SLC45A4: variants seen among roughly 807,000 people sequenced by gnomAD.
SLC45A4 encodes the protein solute carrier family 45 member 4.
A neutral mutation model predicts 63.7 loss-of-function variants in SLC45A4; 32 were observed. That is an observed-to-expected ratio of 0.50 (90% CI 0.38 to 0.67). The LOEUF is 0.67. Among genes scored for constraint, SLC45A4 ranks in the 30% least tolerant of loss-of-function variants. The pLI is 0.00. For missense variants in SLC45A4, 1,027 were observed against 1,157.7 expected, an observed-to-expected ratio of 0.89 and a Z score of 1.64; for synonymous variants, 535 against 510.0, an observed-to-expected ratio of 1.05 and a Z score of -0.66.
In SLC45A4 at chr8:141,215,600, G is replaced by A. The variant is rs1037147181; in HGVS notation, c.1941+159C>T. ...CAGGGACCGATCAGGGGCAGGTGGT[G>A]GCTCTGTGGGCTTTGGAAGGGGCCA... is the stretch of plus-strand genomic sequence containing the variant. On this transcript the variant is annotated intron_variant, in intron 7 of 8. Transcript: ENST00000517878. This position sits in a 1 kb window ranked among gnomAD's most constrained non-coding sequence, Gnocchi z 4.3. 4.1e-4 allele frequency among the ~76,000 whole-genome samples: 62 copies of A among 152,128 alleles called. No individual in the cohort carries two copies. Among genetic ancestry groups the A allele is most frequent in the African/African-American group, 1.4e-3 (57 of 41,408 alleles).
intron 2 of SLC45A4, among the ~76,000 whole-genome samples, chr8:141,232,933 G>A (rs1011067029): frequency 5.9e-5 from 9 of 151,936 alleles, no homozygotes; most frequent in Non-Finnish European, 1.3e-4. Flanking sequence ...CTACCACCCC[G>A]CCCAATCTCA....
At chr8:141,262,592 C>G (rs1324389077) in intron 1 of SLC45A4, among the ~76,000 whole-genome samples, 5 of 150,980 alleles carry the variant, frequency 3.3e-5, no homozygotes, top group Non-Finnish European at 7.4e-5. Context: ...GACATTTATG[C>G]AGCCAAAAAA....
chr8:141,221,915 C>T lies in SLC45A4; in HGVS notation c.242-150G>A, dbSNP rs910849669. ...AGGTTGTCTCCACGGGGTAGACTTT[C>T]CTTTTTCTGCAAGGCCAGATGACCT... On this transcript the variant is annotated intron_variant, in intron 2 of 8. Transcript: ENST00000517878. The T allele has an allele frequency of 5.2e-6, 4 of 769,204 alleles. No homozygotes were observed. In the African/African-American group the frequency reaches 7.0e-5, roughly 13 times the overall value. The allele number at this position is 769,204 out of a possible 1,614,324, so 47.6% of individuals were successfully genotyped here. A position where few individuals can be genotyped will look rare whatever the true frequency, so the allele number is the denominator to read the frequency against.
At chr8:141,289,383 TGACA>T (rs1394123462) in intron 1 of SLC45A4, among the ~76,000 whole-genome samples, 2 of 152,210 alleles carry the variant, frequency 1.3e-5, no homozygotes, top group Admixed American at 1.3e-4. Context: ...CTTCCATCTA[TGACA>T]GACAGTCATC....
chr8:141,283,185 T>C (rs1013764310), intron 1 of SLC45A4, among the ~76,000 whole-genome samples: 1 of 152,266 alleles, frequency 6.6e-6, no homozygotes, highest in African/African-American at 2.4e-5. Context: ...CCTCAAGTCC[T>C]GAGCTAGATG....
intron 1 of SLC45A4, among the ~76,000 whole-genome samples, chr8:141,296,511 A>AG (rs1255889869): frequency 7.7e-6 from 1 of 130,654 alleles, no homozygotes; most frequent in African/African-American, 2.9e-5. Context: ...AAAAAAAAAA[A>AG]AAAAAAAATT....
intron 1 of SLC45A4, among the ~76,000 whole-genome samples, chr8:141,298,526 GC>G (rs1249900477): frequency 6.6e-6 from 1 of 152,206 alleles, no homozygotes; most frequent in African/African-American, 2.4e-5. Flanking sequence ...CAACAAGAGG[GC>G]AAAATTGGGC....
At chr8:141,283,298 G>A (rs566670292) in intron 1 of SLC45A4, among the ~76,000 whole-genome samples, 1 of 152,280 alleles carries the variant, frequency 6.6e-6, no homozygotes, top group South Asian at 2.1e-4. Context: ...AGCAGGTGGC[G>A]CTCAGTACTT....
At chr8:141,274,321 G>C (rs1325986260) in intron 1 of SLC45A4, among the ~76,000 whole-genome samples, 1 of 151,978 alleles carries the variant, frequency 6.6e-6, no homozygotes, top group Non-Finnish European at 1.5e-5. Context: ...ATCACCCGAG[G>C]TCAGGAGTTC....
rs143242026 is a variant in SLC45A4, at chr8:141,285,252, G to A, written c.-401+22844C>T. ...GTCCGCTGGGAACCACAACGCGCCC[G>A]CACCCCAGCGGCCATCCTCGGGTCA... On this transcript the variant is annotated intron_variant, in intron 1 of 8. Coordinates refer to ENST00000517878, the MANE Select transcript of SLC45A4 (RefSeq NM_001286646.2). 3.8e-3 allele frequency among the ~76,000 whole-genome samples: 583 copies of A among 152,342 alleles called. 3 individuals are homozygous for A. Among genetic ancestry groups the A allele is most frequent in the African/African-American group, 0.013 (536 of 41,572 alleles).
chr8:141,216,246 G>A (rs1826143770), intron 6 of SLC45A4, among the ~76,000 whole-genome samples: 1 of 152,224 alleles, frequency 6.6e-6, no homozygotes, highest in Non-Finnish European at 1.5e-5. Context: ...CAGCTCCCAG[G>A]GGCCCCCTGC....
rs1436577091 is a variant in SLC45A4, at chr8:141,254,580, T to C, written c.-351A>G. On this transcript the variant is annotated 5_prime_UTR_variant, in exon 2 of 9. Transcript: ENST00000517878. This position sits in a 1 kb window ranked among gnomAD's most constrained non-coding sequence, Gnocchi z 4.5. ...TTCTTGCTACAGAGAGGTGGGAAGG[T>C]GATACAAACAGGTGGTCCGCTGGTA... 5.7e-6 allele frequency: 4 copies of C among 702,312 alleles called. No individual in the cohort carries two copies. Among genetic ancestry groups the C allele is most frequent in the Non-Finnish European group, 1.0e-5 (4 of 384,922 alleles). 43.5% of individuals were successfully genotyped at this position (702,312 alleles called of 1,614,324 possible).
chr8:141,258,485 G>A (rs762875070), intron 1 of SLC45A4, among the ~76,000 whole-genome samples: 3 of 152,218 alleles, frequency 2.0e-5, no homozygotes, highest in East Asian at 1.9e-4. Context: ...GGCAACCATC[G>A]GCCTCTCACA....
rs1393395925 is a variant in SLC45A4 at position 141,231,603 on chromosome 8, G to A, written c.242-9838C>T. Among the ~76,000 whole-genome samples, 4 of 152,300 alleles carry A rather than the reference G, an allele frequency of 2.6e-5. No homozygotes were observed. In the Middle Eastern group the frequency reaches 0.01, roughly 389 times the overall value. On this transcript the variant is annotated intron_variant, in intron 2 of 8. Transcript: ENST00000517878. ...ACTGCGGGACCCACACCGAGTGGTC[G>A]GGTCACCTGGCCACCTGGCATCTTC... is the stretch of plus-strand genomic sequence containing the variant.
chr8:141,303,298 A>ATTT (rs1461905227), intron 1 of SLC45A4, among the ~76,000 whole-genome samples: 3 of 127,728 alleles, frequency 2.3e-5, no homozygotes, highest in African/African-American at 5.9e-5. Flanking sequence ...TGCCCGGCTA[A>ATTT]TTTTTGTTTT....
intron 1 of SLC45A4, among the ~76,000 whole-genome samples, chr8:141,297,880 AT>A (rs1368641686): frequency 7.4e-5 from 11 of 148,696 alleles, no homozygotes; most frequent in Non-Finnish European, 1.5e-4. Context: ...AGTTAGCAAG[AT>A]TTTTCTCACA....
At chr8:141,276,213 T>C (rs1348002020) in intron 1 of SLC45A4, among the ~76,000 whole-genome samples, 2 of 152,166 alleles carry the variant, frequency 1.3e-5, no homozygotes, top group African/African-American at 4.8e-5. Context: ...AATTTACTTT[T>C]AATTAAAACA....
At chr8:141,284,043 G>A (rs1252130405) in intron 1 of SLC45A4, among the ~76,000 whole-genome samples, 1 of 152,182 alleles carries the variant, frequency 6.6e-6, no homozygotes, top group East Asian at 1.9e-4. Flanking sequence ...AACTAGGACT[G>A]CTGATATATT....
Position 141,212,342 on chromosome 8 carries a change from A to C in SLC45A4, c.2156T>G (p.Val719Gly). The C allele has an allele frequency of 6.2e-7, 1 of 1,613,386 alleles. No individual in the cohort carries two copies. The highest frequency in any genetic ancestry group is 8.5e-7 in the Non-Finnish European group (1 of 1,179,882). ...TATFLVIYPN[V>G]SEEAKEEQKG... ...CTGCTCCTCCTTGGCCTCCTCTGAC[A>C]CGTTGGGATAGATCACCAGGAATGT... The change falls in exon 8 of 9, where the codon GTG becomes GGG. Residue 719 changes from valine (V) to glycine (G), a missense_variant. Transcript: ENST00000517878.
Sources: allele counts gnomAD v4.1 joint callset (sites outside exome capture counted in the v4.1 genomes callset), GRCh38; gene constraint gnomAD v4.1.1; non-coding constraint Gnocchi (gnomAD v3.1); transcripts MANE v1.5; gene names NCBI Gene and HGNC (gene_info 2026-07-23, HGNC 2026-07-21).